LHFPL3: variants seen among roughly 807,000 people sequenced by gnomAD.
The protein encoded by LHFPL3 is LHFPL tetraspan subfamily member 3, also known as LHFPL tetraspan subfamily member 3 protein.
In LHFPL3, 5 loss-of-function variants were observed where a neutral mutation model predicts 19.3. The observed-to-expected ratio is 0.26, with a 90% CI of 0.14 to 0.54. The LOEUF (loss-of-function observed/expected upper bound fraction) is 0.54, where lower values mean the gene tolerates loss of function less well. Among genes scored for constraint, LHFPL3 ranks in the 20% least tolerant of loss-of-function variants. The pLI is 0.94. For missense variants in LHFPL3, 249 were observed against 307.4 expected, an observed-to-expected ratio of 0.81 and a Z score of 1.42; for synonymous variants, 133 against 126.2, an observed-to-expected ratio of 1.05 and a Z score of -0.36.
intron 2 of LHFPL3, among the ~76,000 whole-genome samples, chr7:104,866,521 A>G (rs1359463191): frequency 2.0e-5 from 3 of 152,160 alleles, no homozygotes; most frequent in African/African-American, 7.2e-5. Context: ...AGCAAGAAGA[A>G]CTAACTATCC....
At chr7:104,576,971 C>T (rs1294624783) in intron 1 of LHFPL3, among the ~76,000 whole-genome samples, 2 of 152,122 alleles carry the variant, frequency 1.3e-5, no homozygotes, top group African/African-American at 4.8e-5. Context: ...TTTCTTGGGC[C>T]TTGGGCTCTA....
chr7:104,907,054 T>C lies in LHFPL3; in HGVS notation c.*839T>C, dbSNP rs1449296203. Reference sequence around the variant, plus strand: ...CATTTTCACCTTGGAAGCTCACGTGTAATATTATAGGCTACTATCAAATAA... The same window carrying C: ...CATTTTCACCTTGGAAGCTCACGTGCAATATTATAGGCTACTATCAAATAA... On this transcript the variant is annotated 3_prime_UTR_variant, in exon 3 of 3. Coordinates refer to ENST00000424859, the MANE Select transcript of LHFPL3 (RefSeq NM_199000.3). The C allele has an allele frequency of 6.6e-6, 1 of 152,628 alleles. No individual in the cohort carries two copies. The highest frequency in any genetic ancestry group is 6.5e-5 in the Admixed American group (1 of 15,274). The allele number at this position is 152,628 out of a possible 1,614,324, so 9.5% of individuals were successfully genotyped here.
chr7:104,510,436 A>T (rs1192268515), intron 1 of LHFPL3, among the ~76,000 whole-genome samples: 1 of 152,126 alleles, frequency 6.6e-6, no homozygotes, highest in African/African-American at 2.4e-5. Context: ...TTGCAAAAGT[A>T]TTTTAACGGA....
intron 2 of LHFPL3, among the ~76,000 whole-genome samples, chr7:104,814,402 CT>C (rs1790527270): frequency 6.6e-6 from 1 of 152,178 alleles, no homozygotes; most frequent in Non-Finnish European, 1.5e-5. Context: ...CTCTTTGCAG[CT>C]GATCATCTGA....
At chr7:104,544,625 T>A (rs186606508) in intron 1 of LHFPL3, among the ~76,000 whole-genome samples, 1 of 152,292 alleles carries the variant, frequency 6.6e-6, no homozygotes, top group African/African-American at 2.4e-5. Flanking sequence ...AAGAGATCTC[T>A]TCCCTAAGAT....
chr7:104,584,483 AAAAT>A (rs759840295), intron 1 of LHFPL3, among the ~76,000 whole-genome samples: 1 of 152,158 alleles, frequency 6.6e-6, no homozygotes, highest in Non-Finnish European at 1.5e-5. Context: ...TTAAAAAAAG[AAAAT>A]AGAGATTACT....
chr7:104,758,994 A>T (rs770590847), intron 2 of LHFPL3, among the ~76,000 whole-genome samples: 1 of 152,198 alleles, frequency 6.6e-6, no homozygotes, highest in Non-Finnish European at 1.5e-5. Flanking sequence ...AATTTCACAA[A>T]TGTTTCTCTC....
intron 1 of LHFPL3, among the ~76,000 whole-genome samples, chr7:104,401,792 G>C (rs1032735137): frequency 1.3e-5 from 2 of 152,184 alleles, no homozygotes; most frequent in African/African-American, 2.4e-5. Context: ...CTCATTCTCT[G>C]TTTTTGCCAT....
intron 1 of LHFPL3, among the ~76,000 whole-genome samples, chr7:104,398,798 G>A (rs1459257873): frequency 6.6e-6 from 1 of 151,834 alleles, no homozygotes; most frequent in Non-Finnish European, 1.5e-5. Flanking sequence ...TTCTTCGCTG[G>A]CAGATTTCTG....
intron 2 of LHFPL3, chr7:104,845,485 T>C: frequency 1.3e-6 from 2 of 1,516,218 alleles, no homozygotes; most frequent in Non-Finnish European, 1.8e-6. Context: ...TTCTGCCTTC[T>C]GTTCCCGCAT....
In LHFPL3 at chr7:104,833,035, A is replaced by ATATATATTATATATAATAGATATATTC. The variant is rs1562808030; in HGVS notation, c.683-73145_683-73144insTATATATAATAGATATATTCTATATAT. Among the ~76,000 whole-genome samples, 2 of 2,732 alleles carry ATATATATTATATATAATAGATATATTC rather than the reference A, an allele frequency of 7.3e-4. 1 individual carries two copies. Among genetic ancestry groups the ATATATATTATATATAATAGATATATTC allele is most frequent in the Non-Finnish European group, 1.3e-3 (2 of 1,560 alleles). The allele number at this position is 2,732 out of a possible 152,430, so 1.8% of individuals were successfully genotyped here. ...ATATTATATATAATAGATATATTAT[A>ATATATATTATATATAATAGATATATTC]TATATATATTATATATATATTATAT... On this transcript the variant is annotated intron_variant, in intron 2 of 2. Transcript: ENST00000424859.
intron 1 of LHFPL3, among the ~76,000 whole-genome samples, chr7:104,469,528 T>C (rs1792863030): frequency 6.6e-6 from 1 of 152,214 alleles, no homozygotes; most frequent in Non-Finnish European, 1.5e-5. Context: ...AGCTAAATCA[T>C]AAAATTTGGT....
intron 1 of LHFPL3, among the ~76,000 whole-genome samples, chr7:104,550,301 C>G (rs936633662): frequency 4.0e-5 from 6 of 151,862 alleles, no homozygotes; most frequent in African/African-American, 1.5e-4. Flanking sequence ...GCACCATGGC[C>G]CAACTAGGTA....
chr7:104,379,404 T>C (rs1405820661), intron 1 of LHFPL3, among the ~76,000 whole-genome samples: 1 of 152,232 alleles, frequency 6.6e-6, no homozygotes, highest in African/African-American at 2.4e-5. Flanking sequence ...GTCTGCCTCT[T>C]CATTTTTTGT....
intron 1 of LHFPL3, among the ~76,000 whole-genome samples, chr7:104,430,400 A>ATATATG (rs1791952381): frequency 2.5e-5 from 1 of 39,282 alleles, no homozygotes; most frequent in Non-Finnish European, 4.0e-5. Context: ...ATATATATAT[A>ATATATG]TATACATATA....
chr7:104,519,953 G>C (rs1340538848), intron 1 of LHFPL3, among the ~76,000 whole-genome samples: 1 of 152,014 alleles, frequency 6.6e-6, no homozygotes, highest in African/African-American at 2.4e-5. Flanking sequence ...TCAAAGTCTT[G>C]GTGAATGTTA....
At chr7:104,518,764 A>C (rs1213704715) in intron 1 of LHFPL3, among the ~76,000 whole-genome samples, 1 of 152,058 alleles carries the variant, frequency 6.6e-6, no homozygotes, top group African/African-American at 2.4e-5. Flanking sequence ...AACCTGGGCA[A>C]CAGAGTGAGA....
chr7:104,732,141 G>A (rs1157404162), intron 1 of LHFPL3, among the ~76,000 whole-genome samples: 1 of 152,130 alleles, frequency 6.6e-6, no homozygotes, highest in Non-Finnish European at 1.5e-5. Flanking sequence ...TTTTATTGAG[G>A]ATTTTTGCAT....
intron 2 of LHFPL3, among the ~76,000 whole-genome samples, chr7:104,743,660 C>T (rs1003983608): frequency 2.8e-4 from 43 of 152,168 alleles, no homozygotes; most frequent in African/African-American, 9.9e-4. Flanking sequence ...CTGCAATAAC[C>T]CTGTGAGATG....
Sources: allele counts gnomAD v4.1 joint callset (sites outside exome capture counted in the v4.1 genomes callset), GRCh38; gene constraint gnomAD v4.1.1; transcripts MANE v1.5; gene names NCBI Gene and HGNC (gene_info 2026-07-23, HGNC 2026-07-21).